PANX2: variants seen among roughly 807,000 people sequenced by gnomAD.
PANX2 encodes pannexin 2.
PANX2 carries 30 observed loss-of-function variants against 38.7 expected under a neutral mutation model. The ratio of observed to expected loss-of-function variants is 0.78; its 90% CI spans 0.58 to 1.05. The LOEUF (loss-of-function observed/expected upper bound fraction) is 1.05. Ranked by LOEUF, PANX2 falls within the 50% of genes least tolerant of loss-of-function variation. The pLI is 0.00. For synonymous variants in PANX2, 539 were observed against 472.1 expected, an observed-to-expected ratio of 1.14 and a Z score of -1.84; for missense variants, 880 against 979.3, an observed-to-expected ratio of 0.90 and a Z score of 1.35.
chr22:50,178,050 G>A lies in PANX2; in HGVS notation c.1338G>A (p.Pro446=), dbSNP rs774095424. 1.3e-6 allele frequency: 2 copies of A among 1,552,176 alleles called. No individual in the cohort carries two copies. Among genetic ancestry groups the A allele is most frequent in the East Asian group, 2.4e-5 (1 of 41,912 alleles). The change falls in exon 2 of 3, where the codon CCG becomes CCA. Residue 446 remains proline (P), a synonymous_variant. Transcript: ENST00000395842. The stretch of plus-strand genomic sequence containing the variant: ...CGCTTCCGCAGCCCTTCAAGGAGCC[G>A]CTGGCCATCATGCGCGTGGAGAACA... The part of the protein sequence containing the change: ...SNPLPQPFKE[P]LAIMRVENSK...
intron 1 of PANX2, among the ~76,000 whole-genome samples, chr22:50,172,827 C>T (rs2063639703): frequency 6.6e-6 from 1 of 151,830 alleles, no homozygotes; most frequent in South Asian, 2.1e-4. Context: ...CTCCCGGGTT[C>T]AAGCGATTCT....
At chr22:50,171,527 C>T (rs776853127) in intron 1 of PANX2, among the ~76,000 whole-genome samples, 8 of 152,120 alleles carry the variant, frequency 5.3e-5, no homozygotes, top group Non-Finnish European at 7.4e-5. Context: ...TGGGGCAGGG[C>T]CACGTGTCAG....
Position 50,179,135 on chromosome 22 carries a change from T to A in PANX2, c.1892T>A (p.Leu631Gln), listed in dbSNP as rs776486676. The A allele has an allele frequency of 1.2e-6, 2 of 1,612,230 alleles. No individual in the cohort carries two copies. Among genetic ancestry groups the A allele is most frequent in the South Asian group, 2.2e-5 (2 of 91,014 alleles). Residue 631 changes from leucine to glutamine, a missense_variant, in exon 3 of 3, where the codon CTG becomes CAG. Coordinates refer to ENST00000395842, the MANE Select transcript of PANX2 (RefSeq NM_052839.4). Reference protein sequence around the residue: ...ATHPLLHINTLYEAREEEDGG... With the variant: ...ATHPLLHINTQYEAREEEDGG... ...CACCCGCTGCTGCACATCAACACGC[T>A]GTACGAGGCCCGGGAGGAGGAGGAC...
At chr22:50,171,503 C>A (rs2063631256) in intron 1 of PANX2, among the ~76,000 whole-genome samples, 1 of 152,158 alleles carries the variant, frequency 6.6e-6, no homozygotes, top group African/African-American at 2.4e-5. Flanking sequence ...AGGTTTGAAG[C>A]AGGGGGGCTA....
Position 50,177,968 on chromosome 22 carries a change from A to G in PANX2, c.1256A>G (p.Glu419Gly). ...ANPAEPDGAA[E>G]PPVVKRPRKK... ...CCCGCCGAGCCCGACGGCGCCGCCG[A>G]GCCGCCCGTGGTCAAGCGGCCGCGC... Residue 419 changes from glutamate (E) to glycine (G), a missense_variant, in exon 2 of 3, where the codon GAG becomes GGG. By Grantham distance (98) the Glu-to-Gly change is moderately conservative. Around this residue, in one of 4 missense-constraint regions of PANX2, gnomAD observed 445 missense variants for 404.3 expected, o/e 1.10. Transcript: ENST00000395842. 6.5e-7 allele frequency: 1 copy of G among 1,534,230 alleles called. No individual in the cohort carries two copies. The highest frequency in any genetic ancestry group is 8.7e-7 in the Non-Finnish European group (1 of 1,144,718).
rs377448993 is a variant in PANX2 at position 50,179,098 on chromosome 22, C to T, written c.1855C>T (p.Arg619Ter). The change falls in exon 3 of 3, where the codon CGA becomes TGA. Residue 619 changes from arginine to a stop codon, truncating the protein, a stop_gained. Coordinates refer to ENST00000395842, the MANE Select transcript of PANX2 (RefSeq NM_052839.4). LOFTEE classifies it high-confidence loss of function. ...GKAEPLTILSRNATHPLLHIN... is the reference protein window; with the variant it reads ...GKAEPLTILS Reference sequence around the variant, plus strand: ...GGCGGAGCCCCTCACCATCCTGAGCCGAAACGCCACACACCCGCTGCTGCA... The same window carrying T: ...GGCGGAGCCCCTCACCATCCTGAGCTGAAACGCCACACACCCGCTGCTGCA... The T allele has an allele frequency of 1.2e-6, 2 of 1,611,594 alleles. No individual in the cohort carries two copies. Among genetic ancestry groups the T allele is most frequent in the African/African-American group, 1.3e-5 (1 of 74,882 alleles).
chr22:50,173,113 G>T (rs998504294), intron 1 of PANX2, among the ~76,000 whole-genome samples: 5 of 152,178 alleles, frequency 3.3e-5, no homozygotes, highest in Admixed American at 3.3e-4. Flanking sequence ...GGCCAGGATG[G>T]TCTCGATCTC....
chr22:50,177,462 C>G lies in PANX2; in HGVS notation c.750C>G (p.Ala250=). 6.2e-7 allele frequency: 1 copy of G among 1,608,796 alleles called. No homozygotes were observed. The highest frequency in any genetic ancestry group is 8.5e-7 in the Non-Finnish European group (1 of 1,178,170). ...TCTCCTACCTGTGCACCTACTACGC[C>G]ACGCAGAAGCAGAACGAGTTCACCT... is the stretch of plus-strand genomic sequence containing the variant. ...VPISYLCTYY[A]TQKQNEFTCA... Residue 250 remains alanine, a synonymous_variant, in exon 2 of 3, where the codon GCC becomes GCG. Coordinates refer to ENST00000395842, the MANE Select transcript of PANX2 (RefSeq NM_052839.4).
chr22:50,173,098 A>ACTG lies in PANX2; in HGVS notation c.226+2142_226+2143insCTG, dbSNP rs2063642220. Among the ~76,000 whole-genome samples the ACTG allele has an allele frequency of 5.3e-5, 8 of 152,118 alleles. No individual in the cohort carries two copies. The South Asian group carries it at 1.7e-3, about 32-fold the overall frequency. ...TTTTTAGTAGAGACGGGGTTTTGCCATGTTGGCCAGGATGGTCTCGATCTC... is the reference window on the plus strand; with the variant it reads ...TTTTTAGTAGAGACGGGGTTTTGCCACTGTGTTGGCCAGGATGGTCTCGATCTC... On this transcript the variant is annotated intron_variant, in intron 1 of 2. Coordinates refer to ENST00000395842, the MANE Select transcript of PANX2 (RefSeq NM_052839.4).
chr22:50,171,182 G>C (rs2063628106), intron 1 of PANX2, among the ~76,000 whole-genome samples: 1 of 152,168 alleles, frequency 6.6e-6, no homozygotes, highest in Admixed American at 6.5e-5. Context: ...CCTTCCATTC[G>C]TCCGCCCATG....
Position 50,178,036 on chromosome 22 carries a change from C to A in PANX2, c.1324C>A (p.Pro442Thr). The change falls in exon 2 of 3, where the codon CCC (proline) becomes ACC (threonine). Residue 442 changes from proline (P) to threonine (T), a missense_variant. Coordinates refer to ENST00000395842, the MANE Select transcript of PANX2 (RefSeq NM_052839.4). ...CCCCACCAGCAACCCGCTTCCGCAG[C>A]CCTTCAAGGAGCCGCTGGCCATCAT... is the stretch of plus-strand genomic sequence containing the variant. ...WIPTSNPLPQ[P>T]FKEPLAIMRV... The A allele has an allele frequency of 1.3e-6, 2 of 1,550,270 alleles. No homozygotes were observed. Among genetic ancestry groups the A allele is most frequent in the Non-Finnish European group, 1.7e-6 (2 of 1,154,458 alleles).
intron 1 of PANX2, among the ~76,000 whole-genome samples, chr22:50,172,923 G>T (rs1224659778): frequency 3.6e-5 from 5 of 138,098 alleles, no homozygotes; most frequent in African/African-American, 1.1e-4. Context: ...TTGAGACAGA[G>T]TCTCGCTCTG....
In PANX2 at chr22:50,177,781, C is replaced by T. The variant is rs2063671040; in HGVS notation, c.1069C>T (p.His357Tyr). The T allele has an allele frequency of 1.9e-6, 3 of 1,605,536 alleles. No homozygotes were observed. Among genetic ancestry groups the T allele is most frequent in the Non-Finnish European group, 2.5e-6 (3 of 1,179,780 alleles). Reference sequence around the variant, plus strand: ...CATGTTCTGCAACGAGAACCGCGACCACATCAAGTCGCTCAACCGGCTGGA... The same window carrying T: ...CATGTTCTGCAACGAGAACCGCGACTACATCAAGTCGCTCAACCGGCTGGA... ...LAMFCNENRDHIKSLNRLDFI... is the reference protein window; with the variant it reads ...LAMFCNENRDYIKSLNRLDFI... The change falls in exon 2 of 3, where the codon CAC (histidine) becomes TAC (tyrosine). Residue 357 changes from histidine (H) to tyrosine (Y), a missense_variant. Coordinates refer to ENST00000395842, the MANE Select transcript of PANX2 (RefSeq NM_052839.4).
In PANX2 at chr22:50,179,106, C is replaced by T; in HGVS notation, c.1863C>T (p.Ala621=). ...AEPLTILSRN[A]THPLLHINTL... ...CCCTCACCATCCTGAGCCGAAACGC[C>T]ACACACCCGCTGCTGCACATCAACA... Residue 621 remains alanine (A), a synonymous_variant, in exon 3 of 3, where the codon GCC becomes GCT. Coordinates refer to ENST00000395842, the MANE Select transcript of PANX2 (RefSeq NM_052839.4). 6.2e-7 allele frequency: 1 copy of T among 1,612,058 alleles called. No individual in the cohort carries two copies. Among genetic ancestry groups the T allele is most frequent in the Non-Finnish European group, 8.5e-7 (1 of 1,179,520 alleles).
At position 50,178,962 on chromosome 22, in the gene PANX2, G is replaced by A. The variant is rs1414389852; in HGVS notation, c.1719G>A (p.Pro573=). The A allele has an allele frequency of 6.3e-7, 1 of 1,592,872 alleles. No homozygotes were observed. Among genetic ancestry groups the A allele is most frequent in the South Asian group, 1.1e-5 (1 of 89,904 alleles). Residue 573 remains proline (P), a synonymous_variant, in exon 3 of 3, where the codon CCG becomes CCA. Coordinates refer to ENST00000395842, the MANE Select transcript of PANX2 (RefSeq NM_052839.4). ...CTCCGCTCCCCGAGAAGGAAATCCC[G>A]TACCCCACAGAGCCAGCCCGGGCAG... The part of the protein sequence containing the change: ...KDAPLPEKEI[P]YPTEPARAGL...
chr22:50,171,221 C>T (rs1210158325), intron 1 of PANX2, among the ~76,000 whole-genome samples: 1 of 152,208 alleles, frequency 6.6e-6, no homozygotes, highest in Non-Finnish European at 1.5e-5. Context: ...CCTGTCTGGA[C>T]CCAGGGGTCC....
intron 1 of PANX2, among the ~76,000 whole-genome samples, chr22:50,172,246 G>C (rs577204558): frequency 6.6e-6 from 1 of 152,214 alleles, no homozygotes; most frequent in African/African-American, 2.4e-5. Context: ...TCATGGTTCC[G>C]GAGGCCAAAA....
rs1187326037 is a variant in PANX2 at position 50,179,393 on chromosome 22, C to G, written c.*116C>G. The G allele has an allele frequency of 3.2e-6, 3 of 928,944 alleles. No individual in the cohort carries two copies. Among genetic ancestry groups the G allele is most frequent in the Non-Finnish European group, 4.9e-6 (3 of 612,176 alleles). The allele number at this position is 928,944 out of a possible 1,614,324, so 57.5% of individuals were successfully genotyped here. On this transcript the variant is annotated 3_prime_UTR_variant, in exon 3 of 3. Coordinates refer to ENST00000395842, the MANE Select transcript of PANX2 (RefSeq NM_052839.4). ...TGGCCTGTGCTTCGCCCGCACTGCG[C>G]GCATCCCCAACCTCTGTCCGCATGC...
Position 50,176,946 on chromosome 22 carries a change from C to T in PANX2, c.234C>T (p.Pro78=), listed in dbSNP as rs769899093. 6.5e-7 allele frequency: 1 copy of T among 1,531,446 alleles called. No individual in the cohort carries two copies. Among genetic ancestry groups the T allele is most frequent in the South Asian group, 1.3e-5 (1 of 79,732 alleles). 94.9% of individuals were successfully genotyped at this position (1,531,446 alleles called of 1,614,324 possible). ...TCTCCTCTTTGCCCCCAGAGGAACC[C>T]ATTTACTGTTACACCCCGCACAACT... ...LVFTKNFAEE[P]IYCYTPHNFT... The change falls in exon 2 of 3, where the codon CCC becomes CCT. Residue 78 remains proline (P), a synonymous_variant. Coordinates refer to ENST00000395842, the MANE Select transcript of PANX2 (RefSeq NM_052839.4).
Sources: gnomAD v4.1 joint callset for allele counts (sites outside exome capture counted in the v4.1 genomes callset) on GRCh38, gnomAD v4.1.1 for gene constraint, gnomAD v4.1.1 regional missense constraint, MANE v1.5 for transcripts, NCBI Gene and HGNC (gene_info 2026-07-23, HGNC 2026-07-21) for gene names.